The following ZPBP variants were observed in gnomAD, a reference collection of about 807,000 sequenced individuals.
ZPBP encodes the protein zona pellucida-binding protein 1.
In ZPBP, 26 loss-of-function variants were observed where a neutral mutation model predicts 44.8. That is an observed-to-expected ratio of 0.58 (90% confidence interval 0.43 to 0.81). The LOEUF (loss-of-function observed/expected upper bound fraction) is 0.81. ZPBP is among the 30% of genes least tolerant of loss of function. The pLI, the probability that ZPBP is intolerant of heterozygous loss-of-function variation, is 0.00. For missense variants in ZPBP, 409 were observed against 434.0 expected (o/e 0.94, Z 0.51); for synonymous variants, 174 against 153.2 (o/e 1.14, Z -1.00).
intron 6 of ZPBP, among the ~76,000 whole-genome samples, chr7:49,984,582 G>C (rs1797167566): frequency 6.6e-6 from 1 of 152,100 alleles, no homozygotes; most frequent in Non-Finnish European, 1.5e-5. Context: ...TCCCTTCCAT[G>C]TGGAGTTCAC....
intron 5 of ZPBP, among the ~76,000 whole-genome samples, chr7:50,024,218 T>C (rs958269583): frequency 6.6e-6 from 1 of 152,008 alleles, no homozygotes; most frequent in African/African-American, 2.4e-5. Context: ...GGAATGTATG[T>C]TGGTACAACA....
At chr7:49,864,544 A>G (rs6583395) in intron 2 of ZPBP, among the ~76,000 whole-genome samples, 102,383 of 152,018 alleles carry the variant, frequency 0.67, 35,328 homozygotes, top group East Asian at 0.88. Flanking sequence ...AGGCCTCTGC[A>G]TGTCTCAACA....
chr7:49,897,163 G>A, intron 2 of ZPBP, among the ~76,000 whole-genome samples: 1 of 151,996 alleles, frequency 6.6e-6, no homozygotes, highest in African/African-American at 2.4e-5. Context: ...CCAAAGTGCT[G>A]GGATTACAGG....
At chr7:50,081,714 T>C (rs1802363336) in intron 3 of ZPBP, 60 bp downstream of exon 3, 2 of 1,584,252 alleles carry the variant, frequency 1.3e-6, no homozygotes, top group South Asian at 2.2e-5. Flanking sequence ...AACATTCTTT[T>C]TGTGTTGCAC....
intron 3 of ZPBP, among the ~76,000 whole-genome samples, chr7:50,066,513 A>G (rs1801510587): frequency 6.6e-6 from 1 of 152,138 alleles, no homozygotes; most frequent in African/African-American, 2.4e-5. Flanking sequence ...CTTCCCTTTT[A>G]GTATAGGCAG....
At chr7:50,045,379 A>G (rs1262455159) in intron 4 of ZPBP, among the ~76,000 whole-genome samples, 1 of 152,234 alleles carries the variant, frequency 6.6e-6, no homozygotes, top group African/African-American at 2.4e-5. Flanking sequence ...TGCAGATGAC[A>G]TGATTTTATA....
chr7:49,960,404 A>G (rs748905516), intron 7 of ZPBP, among the ~76,000 whole-genome samples: 1 of 152,162 alleles, frequency 6.6e-6, no homozygotes, highest in Non-Finnish European at 1.5e-5. Flanking sequence ...CAGCAGAGCG[A>G]GACTCTGTCT....
chr7:50,049,734 T>A (rs1252470542), intron 4 of ZPBP, among the ~76,000 whole-genome samples: 1 of 151,902 alleles, frequency 6.6e-6, no homozygotes, highest in Non-Finnish European at 1.5e-5. Context: ...AAGACTAGAT[T>A]ATTTCCCCCT....
At chr7:49,881,059 G>T (rs1358078868) in intron 2 of ZPBP, among the ~76,000 whole-genome samples, 4 of 151,984 alleles carry the variant, frequency 2.6e-5, no homozygotes, top group Non-Finnish European at 5.9e-5. Flanking sequence ...TTCTCTGTTG[G>T]CCAATATCTT....
chr7:49,994,160 G>A (rs1481513847), intron 6 of ZPBP, among the ~76,000 whole-genome samples: 2 of 152,130 alleles, frequency 1.3e-5, no homozygotes, highest in African/African-American at 4.8e-5. Flanking sequence ...GCACAGTTTT[G>A]ATGCATTGCC....
intron 7 of ZPBP, among the ~76,000 whole-genome samples, chr7:49,937,884 T>C (rs1794679814): frequency 1.3e-5 from 2 of 152,198 alleles, no homozygotes; most frequent in Non-Finnish European, 2.9e-5. Flanking sequence ...AGTGGAATCA[T>C]ACACTGAAAG....
intron 7 of ZPBP, among the ~76,000 whole-genome samples, chr7:49,981,647 TATCTTGA>T (rs1796966730): frequency 7.6e-5 from 5 of 66,190 alleles, no homozygotes; most frequent in East Asian, 4.4e-4. Flanking sequence ...TATTATATAA[TATCTTGA>T]TATAAAATAT....
intron 1 of ZPBP, chr7:49,912,385 G>T: frequency 2.0e-6 from 1 of 510,272 alleles, no homozygotes; most frequent in Non-Finnish European, 3.4e-6. Flanking sequence ...AAGAACTTTG[G>T]GCATAAAATC....
intron 6 of ZPBP, among the ~76,000 whole-genome samples, chr7:50,007,021 G>A (rs1798342237): frequency 6.6e-6 from 1 of 151,768 alleles, no homozygotes; most frequent in South Asian, 2.1e-4. Context: ...CTCATGAATG[G>A]GATTAGTGCC....
At chr7:50,052,298 A>T (rs1800734932) in intron 4 of ZPBP, among the ~76,000 whole-genome samples, 1 of 152,228 alleles carries the variant, frequency 6.6e-6, no homozygotes, top group Non-Finnish European at 1.5e-5. Context: ...AGATATGAAC[A>T]GAAATTTTAC....
At chr7:49,853,330 C>T (rs1370156389) in intron 2 of ZPBP, among the ~76,000 whole-genome samples, 1 of 152,276 alleles carries the variant, frequency 6.6e-6, no homozygotes, top group Non-Finnish European at 1.5e-5. Flanking sequence ...GGGCACACCC[C>T]TGTCCCTCCC....
At chr7:50,006,711 A>C (rs1319185703) in intron 6 of ZPBP, among the ~76,000 whole-genome samples, 1 of 152,078 alleles carries the variant, frequency 6.6e-6, no homozygotes, top group Admixed American at 6.6e-5. Context: ...ATTACAGCAG[A>C]GATAAACAAA....
At chr7:49,868,059 C>A (rs1444114212) in intron 2 of ZPBP, among the ~76,000 whole-genome samples, 1 of 152,074 alleles carries the variant, frequency 6.6e-6, no homozygotes, top group Non-Finnish European at 1.5e-5. Context: ...GTCTCAAACT[C>A]CCGACCTCAA....
At chr7:50,057,863 A>C in intron 4 of ZPBP, 126 bp downstream of exon 4, 1 of 844,464 alleles carries the variant, frequency 1.2e-6, no homozygotes, top group Non-Finnish European at 1.8e-6. Flanking sequence ...ATAGGGAGGC[A>C]GTAATTCTTT....
Sources: allele counts gnomAD v4.1 joint callset (sites outside exome capture counted in the v4.1 genomes callset), GRCh38; gene constraint gnomAD v4.1.1; transcripts MANE v1.5; gene names NCBI Gene and HGNC (gene_info 2026-07-23, HGNC 2026-07-21).